The following GPR19 variants were observed in gnomAD, a reference collection of about 807,000 sequenced individuals.
GPR19 encodes the protein G protein-coupled receptor 19, also known as probable G protein-coupled receptor 19.
In GPR19, 14 loss-of-function variants were observed where a neutral mutation model predicts 28.5. The observed-to-expected ratio is 0.49, with a 90% CI of 0.32 to 0.77. The LOEUF (loss-of-function observed/expected upper bound fraction) is 0.77, where lower values mean the gene tolerates loss of function less well. Among genes scored for constraint, GPR19 ranks in the 30% least tolerant of loss-of-function variants. The pLI is 0.03. For missense variants in GPR19, 409 were observed against 504.1 expected, an observed-to-expected ratio of 0.81 and a Z score of 1.81; for synonymous variants, 173 against 184.1, an observed-to-expected ratio of 0.94 and a Z score of 0.49.
chr12:12,694,873 ATTTTTCC>A (rs1946240070), intron 2 of GPR19, among the ~76,000 whole-genome samples: 1 of 152,136 alleles, frequency 6.6e-6, no homozygotes, highest in Non-Finnish European at 1.5e-5. Context: ...GCCTCCATGG[ATTTTTCC>A]TGCAGCATTT....
chr12:12,697,252 A>AT (rs1468806675), upstream of GPR19, among the ~76,000 whole-genome samples: 1 of 151,746 alleles, frequency 6.6e-6, no homozygotes, highest in Non-Finnish European at 1.5e-5. Context: ...CAACAAACAA[A>AT]TTTTTGAAAT....
intron 3 of GPR19, among the ~76,000 whole-genome samples, chr12:12,676,721 CG>C (rs1405065534): frequency 1.3e-5 from 2 of 152,196 alleles, no homozygotes; most frequent in Non-Finnish European, 1.5e-5. Context: ...CTAGAACCCC[CG>C]AGTGTCCTCT....
At position 12,661,073 on chromosome 12, in the gene GPR19, A is replaced by G. The variant is rs1203974218; in HGVS notation, c.*128T>C. The G allele has an allele frequency of 3.0e-6, 2 of 659,464 alleles. No individual in the cohort carries two copies. The highest frequency in any genetic ancestry group is 4.9e-6 in the Non-Finnish European group (2 of 406,314). 40.9% of individuals were successfully genotyped at this position (659,464 alleles called of 1,614,324 possible). A position where few individuals can be genotyped will look rare whatever the true frequency, so the allele number is the denominator to read the frequency against. On this transcript the variant is annotated 3_prime_UTR_variant, in exon 4 of 4. Coordinates refer to ENST00000651487, the MANE Select transcript of GPR19 (RefSeq NM_006143.3). The surrounding 1 kb of genome is among the most constrained non-coding windows in gnomAD (Gnocchi z 4.2). ...AACCCACAAAAACTACAGTAAACAAATGAATGCATTTTACAAAATAAAACA... is the reference window on the plus strand; with the variant it reads ...AACCCACAAAAACTACAGTAAACAAGTGAATGCATTTTACAAAATAAAACA...
intron 2 of GPR19, chr12:12,688,859 C>A (rs1205830783): frequency 6.6e-6 from 1 of 152,258 alleles, no homozygotes; most frequent in African/African-American, 2.4e-5. Flanking sequence ...AGTTCACCAG[C>A]TGCAGGCTTC....
rs1490928525 is a variant in GPR19, at chr12:12,661,426, C to T, written c.1023G>A (p.Met341Ile). The change falls in exon 4 of 4, where the codon ATG becomes ATA. Residue 341 changes from methionine (M) to isoleucine (I), a missense_variant. Transcript: ENST00000651487. The surrounding 1 kb of genome is among the most constrained non-coding windows in gnomAD (Gnocchi z 4.2). ...SIYNANFRRG[M>I]KETFCMSSMK... is the part of the protein sequence containing the mutation. ...TAGAGGACATGCAAAAAGTCTCTTT[C>T]ATCCCTCTCCGAAAATTGGCATTAT... The T allele has an allele frequency of 1.2e-6, 2 of 1,612,842 alleles. No individual in the cohort carries two copies. The highest frequency in any genetic ancestry group is 1.7e-6 in the Non-Finnish European group (2 of 1,178,952).
chr12:12,697,669 G>A (rs1946286832), upstream of GPR19, among the ~76,000 whole-genome samples: 1 of 152,216 alleles, frequency 6.6e-6, no homozygotes, highest in Non-Finnish European at 1.5e-5. Flanking sequence ...GAATATGTAT[G>A]GACATGTGAA....
At chr12:12,665,415 G>A (rs1945756007) in intron 3 of GPR19, among the ~76,000 whole-genome samples, 1 of 152,206 alleles carries the variant, frequency 6.6e-6, no homozygotes, top group Admixed American at 6.5e-5. Flanking sequence ...CTCAGAAACA[G>A]GACGAGGGAG....
intron 2 of GPR19, among the ~76,000 whole-genome samples, chr12:12,688,347 GT>G (rs34624218): frequency 0.096 from 14,119 of 147,436 alleles, 703 homozygotes; most frequent in East Asian, 0.18. Flanking sequence ...ATAATGTCGA[GT>G]TTTTTTTTTT....
intron 2 of GPR19, among the ~76,000 whole-genome samples, chr12:12,694,237 C>T (rs1269824347): frequency 1.6e-5 from 2 of 124,886 alleles, no homozygotes; most frequent in South Asian, 2.7e-4. Flanking sequence ...CTCGCTCTGT[C>T]GCCCAGGCTG....
the GPR19 span, among the ~76,000 whole-genome samples, chr12:12,714,647 T>TCC: frequency 6.6e-6 from 1 of 151,806 alleles, no homozygotes; most frequent in Non-Finnish European, 1.5e-5. Context: ...CTTTCCGTCT[T>TCC]TTACCAGGGT....
upstream of GPR19, among the ~76,000 whole-genome samples, chr12:12,697,510 A>G (rs1348183559): frequency 6.6e-6 from 1 of 152,246 alleles, no homozygotes. Context: ...TTGTTATCTT[A>G]GAGCTGGATA....
chr12:12,709,046 TAAA>T, the GPR19 span, among the ~76,000 whole-genome samples: 32 of 141,582 alleles, frequency 2.3e-4, no homozygotes, highest in Non-Finnish European at 2.3e-4. Flanking sequence ...AGACTCCGTC[TAAA>T]AAAAAAAAAA....
At chr12:12,671,984 C>A (rs910361333) in intron 3 of GPR19, among the ~76,000 whole-genome samples, 1 of 152,090 alleles carries the variant, frequency 6.6e-6, no homozygotes, top group African/African-American at 2.4e-5. Flanking sequence ...GCCGTGAGGA[C>A]CATCAGTAAC....
At chr12:12,683,508 A>T (rs1393510107) in intron 3 of GPR19, among the ~76,000 whole-genome samples, 1 of 152,224 alleles carries the variant, frequency 6.6e-6, no homozygotes, top group Non-Finnish European at 1.5e-5. Flanking sequence ...ACCTTGGGAA[A>T]GTTCCCTAAC....
chr12:12,677,823 C>T (rs1945954722), intron 3 of GPR19, among the ~76,000 whole-genome samples: 1 of 151,760 alleles, frequency 6.6e-6, no homozygotes, highest in South Asian at 2.1e-4. Flanking sequence ...CCTGTAATCC[C>T]AGCACTTTGG....
At chr12:12,715,504 C>A in the GPR19 span, among the ~76,000 whole-genome samples, 1 of 152,208 alleles carries the variant, frequency 6.6e-6, no homozygotes, top group Admixed American at 6.5e-5. Context: ...GATGGTGATA[C>A]CACAGGCTCA....
upstream of GPR19, chr12:12,696,240 G>C (rs1946258530): frequency 6.6e-6 from 1 of 151,878 alleles, no homozygotes; most frequent in African/African-American, 2.4e-5. Flanking sequence ...GCGCAAACGT[G>C]CACTCCCGGG....
chr12:12,680,467 A>C (rs905884709), intron 3 of GPR19, among the ~76,000 whole-genome samples: 6 of 152,174 alleles, frequency 3.9e-5, no homozygotes, highest in Non-Finnish European at 7.4e-5. Flanking sequence ...TGACTCCACA[A>C]ACAGGGAAAC....
At chr12:12,689,701 A>G (rs1398985232) in intron 2 of GPR19, among the ~76,000 whole-genome samples, 1 of 152,028 alleles carries the variant, frequency 6.6e-6, no homozygotes, top group Non-Finnish European at 1.5e-5. Flanking sequence ...TAGATTTTAG[A>G]TGTGAAACCT....
Sources: gnomAD v4.1 joint callset for allele counts (sites outside exome capture counted in the v4.1 genomes callset) on GRCh38, gnomAD v4.1.1 for gene constraint, Gnocchi (gnomAD v3.1) non-coding constraint, MANE v1.5 for transcripts, NCBI Gene and HGNC (gene_info 2026-07-23, HGNC 2026-07-21) for gene names.